Variants in CABIN1 observed in about 807,000 individuals in gnomAD.
The protein encoded by CABIN1 is calcineurin-binding protein cabin-1.
In CABIN1, 133 loss-of-function variants were observed where a neutral mutation model predicts 227.7. The observed-to-expected ratio is 0.58, with a 90% CI of 0.51 to 0.67. The LOEUF (loss-of-function observed/expected upper bound fraction) is 0.67. Ranked by LOEUF, CABIN1 falls within the 30% of genes least tolerant of loss-of-function variation. The pLI, the probability that CABIN1 is intolerant of heterozygous loss-of-function variation, is 0.00. For missense variants in CABIN1, 2,408 were observed against 2,852.5 expected (o/e 0.84, Z 3.55); for synonymous variants, 1,086 against 1,155.1 (o/e 0.94, Z 1.21).
intron 29 of CABIN1, among the ~76,000 whole-genome samples, chr22:24,159,074 C>T (rs2046002104): frequency 6.6e-6 from 1 of 152,216 alleles, no homozygotes. Flanking sequence ...CTTCTCTTCC[C>T]CCCAGGGGCT....
chr22:24,086,388 A>G (rs1207485328), intron 22 of CABIN1, among the ~76,000 whole-genome samples: 1 of 152,184 alleles, frequency 6.6e-6, no homozygotes, highest in Non-Finnish European at 1.5e-5. Context: ...TCCAACCTTC[A>G]TACCTGCCTG....
chr22:24,017,386 A>T (rs2035380680), intron 1 of CABIN1, among the ~76,000 whole-genome samples: 1 of 152,154 alleles, frequency 6.6e-6, no homozygotes, highest in South Asian at 2.1e-4. Context: ...GTGCCATTAA[A>T]TACATCCACA....
chr22:24,156,571 G>A (rs1010625308), intron 29 of CABIN1: 1 of 153,104 alleles, frequency 6.5e-6, no homozygotes, highest in African/African-American at 2.4e-5. Flanking sequence ...GCCGCTCTTG[G>A]GGATGGTGAG....
At chr22:24,104,174 T>C (rs1396891610) in intron 26 of CABIN1, among the ~76,000 whole-genome samples, 1 of 152,098 alleles carries the variant, frequency 6.6e-6, no homozygotes, top group Non-Finnish European at 1.5e-5. Context: ...CTCTCTGGGC[T>C]CTAAGGAAGG....
chr22:24,076,362 A>G (rs1403924653), intron 19 of CABIN1, 78 bp downstream of exon 19: 2 of 1,198,306 alleles, frequency 1.7e-6, no homozygotes, highest in Non-Finnish European at 2.5e-6. Context: ...AAGGGGACAG[A>G]TTCATGTTGG....
intron 14 of CABIN1, 78 bp downstream of exon 14, chr22:24,063,224 GTGTGTGTGTGTA>G: frequency 1.5e-6 from 2 of 1,342,752 alleles, no homozygotes; most frequent in South Asian, 1.2e-5. Flanking sequence ...CATGTTGAGG[GTGTGTGTGTGTA>G]TGTGTGTGTG....
At chr22:24,025,760 G>A (rs763776916) in intron 1 of CABIN1, among the ~76,000 whole-genome samples, 2 of 152,096 alleles carry the variant, frequency 1.3e-5, no homozygotes, top group African/African-American at 2.4e-5. Flanking sequence ...CTGTAGCCTC[G>A]ACCTCCCAGG....
intron 24 of CABIN1, among the ~76,000 whole-genome samples, chr22:24,092,808 C>T (rs775640918): frequency 1.3e-5 from 2 of 151,854 alleles, no homozygotes; most frequent in Non-Finnish European, 2.9e-5. Flanking sequence ...TCCATAATCC[C>T]TAAGAGTTTG....
At chr22:24,113,866 C>T (rs1428910932) in intron 27 of CABIN1, 118 bp downstream of exon 27, 2 of 1,035,100 alleles carry the variant, frequency 1.9e-6, no homozygotes, top group Non-Finnish European at 2.9e-6. Flanking sequence ...CTCCCTGGGC[C>T]TCCATTTTTC....
intron 28 of CABIN1, among the ~76,000 whole-genome samples, chr22:24,127,532 A>G (rs1387604735): frequency 6.6e-6 from 1 of 152,224 alleles, no homozygotes; most frequent in Admixed American, 6.5e-5. Context: ...AATGGATCAG[A>G]CAACATGGGA....
chr22:24,031,113 G>A (rs1252258190), intron 1 of CABIN1, among the ~76,000 whole-genome samples: 1 of 152,170 alleles, frequency 6.6e-6, no homozygotes, highest in African/African-American at 2.4e-5. Context: ...TGATCCTTCA[G>A]CCATTAATGG....
intron 1 of CABIN1, among the ~76,000 whole-genome samples, chr22:24,024,191 A>G (rs1163925047): frequency 6.6e-6 from 1 of 151,784 alleles, no homozygotes; most frequent in Admixed American, 6.6e-5. Flanking sequence ...TGTCCTTTGC[A>G]TAAAAGTTTT....
At chr22:24,049,715 C>T (rs539397662) in intron 7 of CABIN1, among the ~76,000 whole-genome samples, 2 of 152,328 alleles carry the variant, frequency 1.3e-5, no homozygotes, top group African/African-American at 4.8e-5. Flanking sequence ...TTTTCCCTCC[C>T]AGGCTCCTTT....
intron 26 of CABIN1, among the ~76,000 whole-genome samples, chr22:24,102,643 T>C (rs547508097): frequency 9.9e-4 from 151 of 152,248 alleles, no homozygotes; most frequent in African/African-American, 3.4e-3. Flanking sequence ...AAGAGGCCTT[T>C]CCGAGGAGGC....
chr22:24,140,236 TC>T (rs1370819363), intron 29 of CABIN1, among the ~76,000 whole-genome samples: 1 of 152,222 alleles, frequency 6.6e-6, no homozygotes, highest in East Asian at 1.9e-4. Context: ...TGACAGGAAC[TC>T]CTTGCAAATG....
In CABIN1 at chr22:24,085,164, A is replaced by G; in HGVS notation, c.3263+13A>G. The G allele has an allele frequency of 6.2e-7, 1 of 1,614,150 alleles. No individual in the cohort carries two copies. Among genetic ancestry groups the G allele is most frequent in the Non-Finnish European group, 8.5e-7 (1 of 1,179,992 alleles). On this transcript the variant is annotated intron_variant, in intron 22 of 36. Transcript: ENST00000263119. ...TCTGCCCCAATAGGTCAGTGACCAGATCATGAGGCTAGGCTGGCTGCAGGG... is the reference window on the plus strand; with the variant it reads ...TCTGCCCCAATAGGTCAGTGACCAGGTCATGAGGCTAGGCTGGCTGCAGGG...
intron 1 of CABIN1, among the ~76,000 whole-genome samples, chr22:24,022,900 T>A (rs1569078947): frequency 6.6e-6 from 1 of 152,242 alleles, no homozygotes; most frequent in Admixed American, 6.5e-5. Context: ...CATTTTTTAA[T>A]TGGTCTTTTT....
intron 29 of CABIN1, among the ~76,000 whole-genome samples, chr22:24,136,524 A>ATTTTTTTTTTTTTTGT (rs2044417555): frequency 1.4e-5 from 1 of 69,894 alleles, no homozygotes; most frequent in African/African-American, 6.1e-5. Context: ...TAATTTTTGT[A>ATTTTTTTTTTTTTTGT]TTTTTTTTTT....
chr22:24,170,564 G>A (rs565437025), intron 33 of CABIN1, among the ~76,000 whole-genome samples: 6 of 152,246 alleles, frequency 3.9e-5, no homozygotes, highest in East Asian at 3.9e-4. Context: ...CTCCTGCCCC[G>A]CACTCCCACA....
Sources: gnomAD v4.1 joint callset for allele counts (sites outside exome capture counted in the v4.1 genomes callset) on GRCh38, gnomAD v4.1.1 for gene constraint, MANE v1.5 for transcripts, NCBI Gene and HGNC (gene_info 2026-07-23, HGNC 2026-07-21) for gene names.